The following HERC1 variants were observed in gnomAD, a reference collection of about 807,000 sequenced individuals.
HERC1 encodes HECT and RLD domain containing E3 ubiquitin protein ligase family member 1, also known as probable E3 ubiquitin-protein ligase HERC1.
Under a neutral mutation model 554.3 loss-of-function variants are expected in HERC1, and 160 were observed. The ratio of observed to expected loss-of-function variants is 0.29; its 90% CI spans 0.25 to 0.33. HERC1 has a LOEUF of 0.33. HERC1 is among the 10% of genes least tolerant of loss of function. HERC1 has a pLI of 1.00. For missense variants in HERC1, 4,919 were observed against 5,918.5 expected, an observed-to-expected ratio of 0.83 and a Z score of 5.54; for synonymous variants, 2,175 against 2,131.7, an observed-to-expected ratio of 1.02 and a Z score of -0.56.
intron 21 of HERC1, among the ~76,000 whole-genome samples, chr15:63,717,189 C>T (rs1938790645): frequency 6.6e-6 from 1 of 152,126 alleles, no homozygotes. Context: ...GATGGGGATA[C>T]AGAGTAGTCA....
At chr15:63,639,700 C>T (rs558593540) in intron 61 of HERC1, among the ~76,000 whole-genome samples, 1 of 152,286 alleles carries the variant, frequency 6.6e-6, no homozygotes, top group South Asian at 2.1e-4. Context: ...AGAGTAGACA[C>T]TCTCAAATAC....
At chr15:63,646,058 C>T (rs2069322997) in intron 55 of HERC1, among the ~76,000 whole-genome samples, 1 of 152,138 alleles carries the variant, frequency 6.6e-6, no homozygotes, top group Admixed American at 6.5e-5. Flanking sequence ...AAAATGCACC[C>T]CTTACATCCC....
chr15:63,622,534 T>C (rs1292735783), intron 74 of HERC1, among the ~76,000 whole-genome samples: 1 of 152,128 alleles, frequency 6.6e-6, no homozygotes, highest in Non-Finnish European at 1.5e-5. Flanking sequence ...GGTTTCACCA[T>C]GTTGGCCAGG....
chr15:63,781,882 G>A (rs1567120846), intron 1 of HERC1, among the ~76,000 whole-genome samples: 1 of 152,346 alleles, frequency 6.6e-6, no homozygotes, highest in East Asian at 1.9e-4. Flanking sequence ...CTGATATGGG[G>A]AAAGTCTGAG....
chr15:63,674,781 A>G lies in HERC1; in HGVS notation c.7407T>C (p.Asp2469=). The part of the protein sequence containing the change: ...SENEIASFSL[D]PTLPSVESQH... ...GGGATTCCACACTTGGCAGTGTTGG[A>G]TCTAAAGAAAATGAAGCGATTTCAT... Residue 2469 remains aspartate, a synonymous_variant, in exon 38 of 78, where the codon GAT becomes GAC. Coordinates refer to ENST00000443617, the MANE Select transcript of HERC1 (RefSeq NM_003922.4). 1.2e-6 allele frequency: 2 copies of G among 1,613,820 alleles called. No homozygotes were observed. The highest frequency in any genetic ancestry group is 8.5e-7 in the Non-Finnish European group (1 of 1,179,844).
rs553276795 is a variant in HERC1 at position 63,737,375 on chromosome 15, T to G, written c.2521-2526A>C. Among the ~76,000 whole-genome samples, 670 of 126,610 alleles carry G rather than the reference T, an allele frequency of 5.3e-3. 8 individuals are homozygous for G. Among genetic ancestry groups the G allele is most frequent in the African/African-American group, 0.018 (609 of 32,974 alleles). 83.1% of individuals were successfully genotyped at this position (126,610 alleles called of 152,430 possible). On this transcript the variant is annotated intron_variant, in intron 12 of 77. Coordinates refer to ENST00000443617, the MANE Select transcript of HERC1 (RefSeq NM_003922.4). ...GATATATATATATCTTTTTTCCAGA[T>G]ATATATATATATATCGTTTTTCCAG...
Position 63,723,280 on chromosome 15 carries a change from C to G in HERC1, c.3644G>C (p.Arg1215Pro). 6.3e-7 allele frequency: 1 copy of G among 1,597,798 alleles called. No homozygotes were observed. ...GTCTACATAGACAGCAATTTCAGGCCGCAATTTATAATCAAAAGGCTTCTG... is the reference window on the plus strand; with the variant it reads ...GTCTACATAGACAGCAATTTCAGGCGGCAATTTATAATCAAAAGGCTTCTG... ...EEQKPFDYKL[R>P]PEIAVYVDLA... is the part of the protein sequence containing the mutation. Residue 1215 changes from arginine to proline, a missense_variant, in exon 19 of 78, where the codon CGG becomes CCG. Physicochemically the swap from Arg to Pro is moderately radical, Grantham distance 103. Transcript: ENST00000443617.
chr15:63,713,317 G>C lies in HERC1; in HGVS notation c.4463+36C>G, dbSNP rs766514877. ...AGTGCATAAAGTAATAAAGGGAAGT[G>C]AGTAGGTCATGTTTTCAGTGTCTAG... is the stretch of plus-strand genomic sequence containing the variant. On this transcript the variant is annotated intron_variant, in intron 23 of 77. Coordinates refer to ENST00000443617, the MANE Select transcript of HERC1 (RefSeq NM_003922.4). 5 of 1,532,746 alleles carry C rather than the reference G, an allele frequency of 3.3e-6. No individual in the cohort carries two copies. The African/African-American group carries it at 5.5e-5, about 17-fold the overall frequency. The allele number at this position is 1,532,746 out of a possible 1,614,324, so 94.9% of individuals were successfully genotyped here.
chr15:63,736,098 A>G (rs900088656), intron 12 of HERC1, among the ~76,000 whole-genome samples: 1 of 152,222 alleles, frequency 6.6e-6, no homozygotes, highest in Non-Finnish European at 1.5e-5. Flanking sequence ...AATTTTGGAA[A>G]CAGAAAGGAA....
At chr15:63,825,134 C>T (rs1017892754) in intron 1 of HERC1, among the ~76,000 whole-genome samples, 3 of 152,092 alleles carry the variant, frequency 2.0e-5, no homozygotes, top group Admixed American at 6.5e-5. Flanking sequence ...CTTGGCAAAA[C>T]CCCATCTCCT....
At chr15:63,649,504 A>G (rs1478317193) in intron 54 of HERC1, among the ~76,000 whole-genome samples, 3 of 152,236 alleles carry the variant, frequency 2.0e-5, no homozygotes, top group Non-Finnish European at 2.9e-5. Flanking sequence ...TACTAATGTT[A>G]TAATACTATT....
At position 63,756,277 on chromosome 15, in the gene HERC1, A is replaced by G. The variant is rs1320895646; in HGVS notation, c.1533+160T>C. Among the ~76,000 whole-genome samples the G allele has an allele frequency of 6.6e-6, 1 of 152,218 alleles. No homozygotes were observed. The highest frequency in any genetic ancestry group is 2.4e-5 in the African/African-American group (1 of 41,456). ...TATAAGAATTAAAATTCAATAATGT[A>G]TACAAAGGTGTTCTGTAAACTGTAA... On this transcript the variant is annotated intron_variant, in intron 5 of 77. Coordinates refer to ENST00000443617, the MANE Select transcript of HERC1 (RefSeq NM_003922.4). This position sits in a 1 kb window ranked among gnomAD's most constrained non-coding sequence, Gnocchi z 5.0.
At chr15:63,777,010 T>G (rs554295731) in intron 1 of HERC1, among the ~76,000 whole-genome samples, 90 of 152,266 alleles carry the variant, frequency 5.9e-4, no homozygotes, top group Non-Finnish European at 1.1e-3. Flanking sequence ...ACACAAAATT[T>G]TTAATTACAA....
chr15:63,801,747 T>G (rs1002170918), intron 1 of HERC1, among the ~76,000 whole-genome samples: 3 of 152,210 alleles, frequency 2.0e-5, no homozygotes, highest in African/African-American at 7.2e-5. Context: ...CAAGTGCAAG[T>G]GTGGTGGTAC....
rs2153057657 is a variant in HERC1, at chr15:63,696,256, T to C, written c.4989A>G (p.Arg1663=). The C allele has an allele frequency of 6.2e-7, 1 of 1,613,208 alleles. No individual in the cohort carries two copies. Among genetic ancestry groups the C allele is most frequent in the Non-Finnish European group, 8.5e-7 (1 of 1,179,468 alleles). Residue 1663 remains arginine (R), a synonymous_variant, in exon 27 of 78, where the codon AGA becomes AGG. Transcript: ENST00000443617. ...TGGAGGACTGGAAGCCTGAACTCAA[T>C]CTGCTTCCTGCCAGTGAGATGCTAC... ...EKGSISLAGS[R]LSSGFQSSTL... is the part of the protein sequence containing the mutation.
intron 1 of HERC1, among the ~76,000 whole-genome samples, chr15:63,798,562 A>C (rs1219832041): frequency 1.3e-5 from 2 of 151,970 alleles, no homozygotes; most frequent in African/African-American, 2.4e-5. Flanking sequence ...AAAAAAAAAA[A>C]ACCTTACAGG....
rs2074000664 is a variant in HERC1, at chr15:63,725,430, T to C, written c.3430A>G (p.Thr1144Ala). 1 of 1,613,796 alleles carries C rather than the reference T, an allele frequency of 6.2e-7. No individual in the cohort carries two copies. The highest frequency in any genetic ancestry group is 8.5e-7 in the Non-Finnish European group (1 of 1,179,836). The change falls in exon 18 of 78, where the codon ACA (threonine) becomes GCA (alanine). Residue 1144 changes from threonine (T) to alanine (A), a missense_variant. Physicochemically the swap from Thr to Ala is moderately conservative, Grantham distance 58 (BLOSUM62 0). Coordinates refer to ENST00000443617, the MANE Select transcript of HERC1 (RefSeq NM_003922.4). The part of the protein sequence containing the change: ...SWVWLVDLER[T>A]IALLIGRCLG... ...CACCGCCCAATAAGGAGAGCAATTG[T>C]TCTTTCTAGATCCACAAGCCATACC...
chr15:63,742,987 T>C (rs1383700282), intron 12 of HERC1, among the ~76,000 whole-genome samples: 1 of 152,194 alleles, frequency 6.6e-6, no homozygotes, highest in Non-Finnish European at 1.5e-5. Context: ...AATACTGGCC[T>C]CACAAAATAT....
rs1351098700 is a variant in HERC1, at chr15:63,612,576, CTCAT to C, written c.14095-24_14095-21del. ...AGCCACCTGCTCCCGGGAGAGGTTG[CTCAT>C]TCAATGAGTGTGCGTGAACCTGGCA... On this transcript the variant is annotated intron_variant, in intron 76 of 77. Transcript: ENST00000443617. This position sits in a 1 kb window ranked among gnomAD's most constrained non-coding sequence, Gnocchi z 5.0. 8 of 1,604,978 alleles carry C rather than the reference CTCAT, an allele frequency of 5.0e-6. No individual in the cohort carries two copies. The highest frequency in any genetic ancestry group is 6.8e-6 in the Non-Finnish European group (8 of 1,175,328).
Sources: allele counts gnomAD v4.1 joint callset (sites outside exome capture counted in the v4.1 genomes callset), GRCh38; gene constraint gnomAD v4.1.1; non-coding constraint Gnocchi (gnomAD v3.1); transcripts MANE v1.5; gene names NCBI Gene and HGNC (gene_info 2026-07-23, HGNC 2026-07-21).